PDE1A: variants seen among roughly 807,000 people sequenced by gnomAD.
PDE1A encodes the protein phosphodiesterase 1A.
PDE1A carries 35 observed loss-of-function variants against 61.7 expected under a neutral mutation model. That is an observed-to-expected ratio of 0.57 (90% CI 0.43 to 0.75). The LOEUF is 0.75. PDE1A is among the 30% of genes least tolerant of loss of function. PDE1A has a pLI of 0.00. For missense variants in PDE1A, 597 were observed against 630.6 expected, an observed-to-expected ratio of 0.95 and a Z score of 0.57; for synonymous variants, 232 against 213.2, an observed-to-expected ratio of 1.09 and a Z score of -0.77.
chr2:182,651,069 T>C, the PDE1A span, among the ~76,000 whole-genome samples: 3 of 152,302 alleles, frequency 2.0e-5, no homozygotes, highest in East Asian at 5.8e-4. Flanking sequence ...TGCAATGGCA[T>C]GATCTTTACT....
chr2:182,375,316 A>G (rs575531517), intron 1 of PDE1A, among the ~76,000 whole-genome samples: 6 of 152,364 alleles, frequency 3.9e-5, no homozygotes, highest in African/African-American at 1.4e-4. Flanking sequence ...TGAGCCTGTA[A>G]AATCAAAAGC....
At chr2:182,336,027 T>C (rs1328040127) in intron 1 of PDE1A, among the ~76,000 whole-genome samples, 1 of 152,192 alleles carries the variant, frequency 6.6e-6, no homozygotes, top group Non-Finnish European at 1.5e-5. Context: ...AAGCTCATCA[T>C]CACTGGTCAT....
exon 14 of PDE1A, chr2:182,167,958 G>T: frequency 8.5e-7 from 1 of 1,170,060 alleles, no homozygotes; most frequent in Non-Finnish European, 1.1e-6. Context: ...AAAATTTATT[G>T]GCACTCGGTA....
chr2:182,154,544 T>C (rs1314839023), intron 13 of PDE1A, among the ~76,000 whole-genome samples: 1 of 152,152 alleles, frequency 6.6e-6, no homozygotes, highest in Non-Finnish European at 1.5e-5. Context: ...AGTTTCCCCA[T>C]ACTGTTCTCA....
intron 2 of PDE1A, among the ~76,000 whole-genome samples, chr2:182,452,919 G>C (rs1685623972): frequency 1.3e-5 from 2 of 152,080 alleles, no homozygotes; most frequent in South Asian, 4.1e-4. Context: ...CCTGTAAATA[G>C]GTACTAGCCA....
At chr2:182,270,929 C>A (rs1239423037) in intron 1 of PDE1A, among the ~76,000 whole-genome samples, 1 of 151,752 alleles carries the variant, frequency 6.6e-6, no homozygotes, top group African/African-American at 2.4e-5. Context: ...TAAACCCTAA[C>A]CTTAATCTAA....
At chr2:182,324,566 T>C (rs1696923261) in intron 1 of PDE1A, among the ~76,000 whole-genome samples, 1 of 152,186 alleles carries the variant, frequency 6.6e-6, no homozygotes, top group Non-Finnish European at 1.5e-5. Context: ...ATGCCAAGCA[T>C]ACTCTATGTT....
intron 2 of PDE1A, among the ~76,000 whole-genome samples, chr2:182,490,522 ACCACGC>A (rs912840495): frequency 3.3e-5 from 5 of 152,008 alleles, no homozygotes; most frequent in Non-Finnish European, 5.9e-5. Context: ...AGCGCCCACC[ACCACGC>A]CCAGCTAATT....
chr2:182,283,465 A>G (rs1359454066), intron 1 of PDE1A, among the ~76,000 whole-genome samples: 1 of 151,944 alleles, frequency 6.6e-6, no homozygotes, highest in East Asian at 1.9e-4. Flanking sequence ...AGCCTTCATT[A>G]AATGCTATAT....
At chr2:182,142,760 A>G (rs1040290431), downstream of PDE1A, 2 of 152,236 alleles carry the variant, frequency 1.3e-5, no homozygotes, top group Admixed American at 6.5e-5. Flanking sequence ...AGCAAGAAAA[A>G]TTAAAAACTG....
At chr2:182,454,592 C>G (rs987887186) in intron 2 of PDE1A, among the ~76,000 whole-genome samples, 3 of 151,634 alleles carry the variant, frequency 2.0e-5, no homozygotes, top group African/African-American at 7.3e-5. Context: ...TGGAACAGAA[C>G]AGAGCCCTCA....
the PDE1A span, among the ~76,000 whole-genome samples, chr2:182,619,323 G>C: frequency 6.6e-6 from 1 of 151,878 alleles, no homozygotes; most frequent in East Asian, 1.9e-4. Flanking sequence ...AAAAACCTGA[G>C]AACACCCAGA....
At chr2:182,414,311 A>G (rs1422140642) in intron 1 of PDE1A, among the ~76,000 whole-genome samples, 1 of 152,184 alleles carries the variant, frequency 6.6e-6, no homozygotes, top group African/African-American at 2.4e-5. Context: ...TTATGAAGAT[A>G]TCACCTAAGC....
chr2:182,159,637 T>C (rs1472347855), intron 13 of PDE1A, among the ~76,000 whole-genome samples: 1 of 152,194 alleles, frequency 6.6e-6, no homozygotes, highest in African/African-American at 2.4e-5. Flanking sequence ...GAAATATCCA[T>C]TCAGTCTCAA....
intron 1 of PDE1A, among the ~76,000 whole-genome samples, chr2:182,288,925 T>C (rs939411373): frequency 6.6e-6 from 1 of 152,130 alleles, no homozygotes; most frequent in Non-Finnish European, 1.5e-5. Context: ...AAGATTTTTC[T>C]TTTGACAATG....
chr2:182,337,826 A>T (rs536066942), intron 1 of PDE1A, among the ~76,000 whole-genome samples: 22 of 152,164 alleles, frequency 1.4e-4, no homozygotes, highest in African/African-American at 2.6e-4. Flanking sequence ...TAGGATTTTA[A>T]AAAAAAAGAA....
At chr2:182,247,631 C>T (rs575041877) in intron 2 of PDE1A, among the ~76,000 whole-genome samples, 33 of 152,246 alleles carry the variant, frequency 2.2e-4, no homozygotes, top group East Asian at 3.9e-4. Context: ...CATCTGACCA[C>T]GCTAGACAGT....
chr2:182,375,493 C>A (rs1313746126), intron 1 of PDE1A, among the ~76,000 whole-genome samples: 1 of 152,222 alleles, frequency 6.6e-6, no homozygotes, highest in African/African-American at 2.4e-5. Flanking sequence ...CACACTGATT[C>A]AAGAGGTGGG....
intron 1 of PDE1A, among the ~76,000 whole-genome samples, chr2:182,390,458 C>T (rs532291324): frequency 6.6e-6 from 1 of 152,170 alleles, no homozygotes; most frequent in African/African-American, 2.4e-5. Flanking sequence ...ATGTGGAGAA[C>T]CAAGGAATAT....
Sources: allele counts gnomAD v4.1 joint callset (sites outside exome capture counted in the v4.1 genomes callset), GRCh38; gene constraint gnomAD v4.1.1; transcripts MANE v1.5; gene names NCBI Gene and HGNC (gene_info 2026-07-23, HGNC 2026-07-21).